CRISP3: variants seen among roughly 807,000 people sequenced by gnomAD.
CRISP3 encodes the protein cysteine-rich secretory protein 3.
Under a neutral mutation model 36.1 loss-of-function variants are expected in CRISP3, and 33 were observed. That is an observed-to-expected ratio of 0.91 (90% confidence interval 0.69 to 1.22). CRISP3 has a LOEUF of 1.22. Among genes scored for constraint, CRISP3 ranks in the 50% most tolerant of loss-of-function variants. CRISP3 has a pLI of 0.00. For synonymous variants in CRISP3, 117 were observed against 104.6 expected (o/e 1.12, Z -0.72); for missense variants, 330 against 301.2 (o/e 1.10, Z -0.71).
chr6:49,741,924 A>T (rs1482871638), intron 1 of CRISP3, among the ~76,000 whole-genome samples: 1 of 148,570 alleles, frequency 6.7e-6, no homozygotes. Flanking sequence ...AAATATTTGT[A>T]ACTTTTGTAA....
At chr6:49,739,709 T>C (rs1314363219) in intron 1 of CRISP3, among the ~76,000 whole-genome samples, 1 of 152,070 alleles carries the variant, frequency 6.6e-6, no homozygotes, top group Non-Finnish European at 1.5e-5. Flanking sequence ...AAGTGGAAAA[T>C]GATTTGTTTG....
At position 49,731,194 on chromosome 6, in the gene CRISP3, A is replaced by G. The variant is rs1482695753; in HGVS notation, c.618T>C (p.Ser206=). Reference sequence around the variant, plus strand: ...GTCCATCGTCACAGTTATCTGGGCAACTGGCACAAGGTGCTCCTTGTTCAT... The same window carrying G: ...GTCCATCGTCACAGTTATCTGGGCAGCTGGCACAAGGTGCTCCTTGTTCAT... ...VPYEQGAPCA[S]CPDNCDDGLC... is the part of the protein sequence containing the mutation. Residue 206 remains serine (S), a synonymous_variant, in exon 7 of 8, where the codon AGT becomes AGC. Transcript: ENST00000263045. 7 of 1,611,700 alleles carry G rather than the reference A, an allele frequency of 4.3e-6. No individual in the cohort carries two copies. Among genetic ancestry groups the G allele is most frequent in the Non-Finnish European group, 5.9e-6 (7 of 1,178,724 alleles).
At chr6:49,734,615 C>G (rs774799915) in intron 4 of CRISP3, among the ~76,000 whole-genome samples, 1 of 152,066 alleles carries the variant, frequency 6.6e-6, no homozygotes, top group Non-Finnish European at 1.5e-5. Context: ...AAGAAAGAAG[C>G]TAAGATTTTA....
In CRISP3 at chr6:49,733,206, T is replaced by C. The variant is rs755779121; in HGVS notation, c.549A>G (p.Gln183=). The C allele has an allele frequency of 5.7e-6, 9 of 1,588,530 alleles. No homozygotes were observed. Among genetic ancestry groups the C allele is most frequent in the Admixed American group, 3.4e-5 (2 of 58,954 alleles). Residue 183 remains glutamine, a synonymous_variant, in exon 6 of 8, where the codon CAA becomes CAG. Coordinates refer to ENST00000263045, the MANE Select transcript of CRISP3 (RefSeq NM_006061.4). Reference sequence around the variant, plus strand: ...AAATATATACTTACGCAGGACAATATTGGCAAACATAGTAGTATTTTAGAA... The same window carrying C: ...AAATATATACTTACGCAGGACAATACTGGCAAACATAGTAGTATTTTAGAA... The part of the protein sequence containing the change: ...QKVLKYYYVC[Q]YCPAGNWANR...
chr6:49,730,981 G>A (rs1768901431), intron 7 of CRISP3, among the ~76,000 whole-genome samples, 182 bp downstream of exon 7: 1 of 152,204 alleles, frequency 6.6e-6, no homozygotes, highest in Non-Finnish European at 1.5e-5. Context: ...AGCGGAGGTT[G>A]CAGTGAGCCG....
intron 7 of CRISP3, among the ~76,000 whole-genome samples, chr6:49,729,850 T>C (rs1226531217): frequency 6.6e-6 from 1 of 152,166 alleles, no homozygotes; most frequent in Non-Finnish European, 1.5e-5. Flanking sequence ...TTTCATCCAA[T>C]TGCTTCTTCC....
chr6:49,742,461 G>A lies in CRISP3; in HGVS notation c.37+1870C>T, dbSNP rs550334521. 9.9e-5 allele frequency among the ~76,000 whole-genome samples: 15 copies of A among 151,838 alleles called. No individual in the cohort carries two copies. In the South Asian group the frequency reaches 1.0e-3, roughly 11 times the overall value. On this transcript the variant is annotated intron_variant, in intron 1 of 7. Coordinates refer to ENST00000263045, the MANE Select transcript of CRISP3 (RefSeq NM_006061.4). ...ACCCTGCGTAACATGGTGAAACCTCGTCTCTACTAAAACTACAAAAGTTAG... is the reference window on the plus strand; with the variant it reads ...ACCCTGCGTAACATGGTGAAACCTCATCTCTACTAAAACTACAAAAGTTAG...
At chr6:49,743,037 C>T (rs1206994842) in intron 1 of CRISP3, among the ~76,000 whole-genome samples, 3 of 152,146 alleles carry the variant, frequency 2.0e-5, no homozygotes, top group Non-Finnish European at 4.4e-5. Flanking sequence ...TGATCACTTT[C>T]TTTCATCTTA....
At position 49,737,374 on chromosome 6, in the gene CRISP3, A is replaced by T; in HGVS notation, c.62T>A (p.Leu21Ter). The T allele has an allele frequency of 6.2e-7, 1 of 1,614,036 alleles. No individual in the cohort carries two copies. The highest frequency in any genetic ancestry group is 2.2e-5 in the East Asian group (1 of 44,868). Residue 21 changes from leucine (L) to a stop codon, truncating the protein, a stop_gained, in exon 2 of 8, where the codon TTG becomes TAG. Transcript: ENST00000263045. LOFTEE classifies it high-confidence loss of function. ...TGGAAGCAGCCCAGCAACCAGGAACAACAGCACTGGGAATAATGTCATTGC... is the reference window on the plus strand; with the variant it reads ...TGGAAGCAGCCCAGCAACCAGGAACTACAGCACTGGGAATAATGTCATTGC... ...TTAMTLFPVL[L>*]FLVAGLLPSF...
At chr6:49,733,666 C>T in intron 5 of CRISP3, 37 bp downstream of exon 5, 5 of 1,570,226 alleles carry the variant, frequency 3.2e-6, no homozygotes, top group Non-Finnish European at 4.3e-6. Context: ...TTTTAGGGCA[C>T]TTATAAAGGA....
chr6:49,743,925 A>G (rs917238064), intron 1 of CRISP3, among the ~76,000 whole-genome samples: 1 of 152,138 alleles, frequency 6.6e-6, no homozygotes, highest in Non-Finnish European at 1.5e-5. Flanking sequence ...ATGGCATCCC[A>G]TATAGCTGTA....
intron 2 of CRISP3, among the ~76,000 whole-genome samples, chr6:49,737,014 G>C (rs1384808465): frequency 6.6e-6 from 1 of 152,166 alleles, no homozygotes; most frequent in African/African-American, 2.4e-5. Flanking sequence ...AGAGTTTTAT[G>C]TATTACGTAG....
intron 4 of CRISP3, among the ~76,000 whole-genome samples, chr6:49,734,738 T>C (rs555794839): frequency 6.6e-6 from 1 of 152,298 alleles, no homozygotes; most frequent in East Asian, 1.9e-4. Context: ...ACAGTGGCTG[T>C]CCTATTTTCA....
At chr6:49,730,108 T>C (rs917364986) in intron 7 of CRISP3, among the ~76,000 whole-genome samples, 1 of 152,140 alleles carries the variant, frequency 6.6e-6, no homozygotes, top group Non-Finnish European at 1.5e-5. Flanking sequence ...GTCAGGTGAA[T>C]GCATTTGAAA....
intron 1 of CRISP3, 57 bp downstream of exon 1, chr6:49,744,274 T>C: frequency 7.9e-7 from 1 of 1,261,464 alleles, no homozygotes; most frequent in Non-Finnish European, 1.1e-6. Flanking sequence ...GGTATAAATG[T>C]GTTGTTCACC....
chr6:49,734,474 C>G (rs927726652), intron 4 of CRISP3, among the ~76,000 whole-genome samples: 1 of 152,130 alleles, frequency 6.6e-6, no homozygotes, highest in Admixed American at 6.6e-5. Context: ...AAGTGCCTTG[C>G]AGCCCAGAAA....
intron 4 of CRISP3, 132 bp from the exon 5 acceptor site, chr6:49,733,980 A>C (rs1333639788): frequency 3.0e-6 from 2 of 671,824 alleles, no homozygotes; most frequent in East Asian, 5.3e-5. Flanking sequence ...ACCGTTAATG[A>C]ATATTGACTA....
At chr6:49,740,345 C>T (rs1012625742) in intron 1 of CRISP3, among the ~76,000 whole-genome samples, 8 of 152,152 alleles carry the variant, frequency 5.3e-5, no homozygotes, top group African/African-American at 1.7e-4. Context: ...GACAAATTTG[C>T]TTAGTGCTAA....
chr6:49,735,567 T>C lies in CRISP3; in HGVS notation c.253A>G (p.Asn85Asp). Residue 85 changes from asparagine to aspartate, a missense_variant, in exon 4 of 8, where the codon AAT becomes GAT. Asn to Asp is a conservative substitution (Grantham distance 23). Transcript: ENST00000263045. ...CACTGGTTTGCCCACTTTTGGGCATTTGCTGCAGCCTCTTTGTTCCATTCC... is the reference window on the plus strand; with the variant it reads ...CACTGGTTTGCCCACTTTTGGGCATCTGCTGCAGCCTCTTTGTTCCATTCC... Reference protein sequence around the residue: ...KMEWNKEAAANAQKWANQCNY... With the variant: ...KMEWNKEAAADAQKWANQCNY... The C allele has an allele frequency of 6.2e-7, 1 of 1,612,638 alleles. No individual in the cohort carries two copies. Among genetic ancestry groups the C allele is most frequent in the South Asian group, 1.1e-5 (1 of 90,958 alleles).
Sources: allele counts gnomAD v4.1 joint callset (sites outside exome capture counted in the v4.1 genomes callset), GRCh38; gene constraint gnomAD v4.1.1; transcripts MANE v1.5; gene names NCBI Gene and HGNC (gene_info 2026-07-23, HGNC 2026-07-21).